Variants in DSCAM observed in about 807,000 individuals in gnomAD.
DSCAM encodes cell adhesion molecule DSCAM.
A neutral mutation model predicts 217.7 loss-of-function variants in DSCAM; 47 were observed. The observed-to-expected ratio is 0.22, with a 90% CI of 0.17 to 0.28. The LOEUF is 0.28. Among genes scored for constraint, DSCAM ranks in the 10% least tolerant of loss-of-function variants. The pLI is 1.00. For synonymous variants in DSCAM, 1,056 were observed against 1,015.3 expected (o/e 1.04, Z -0.76); for missense variants, 2,080 against 2,618.3 (o/e 0.79, Z 4.49).
At chr21:40,340,348 A>G (rs1266659495) in intron 6 of DSCAM, among the ~76,000 whole-genome samples, 1 of 152,196 alleles carries the variant, frequency 6.6e-6, no homozygotes, top group Non-Finnish European at 1.5e-5. Flanking sequence ...TTATTTTTCT[A>G]TCATCCATAT....
chr21:40,080,323 A>C lies in DSCAM; in HGVS notation c.4249T>G (p.Ser1417Ala). The part of the protein sequence containing the change: ...SSIRGYILQY[S>A]EDNSEQWGSF... ...CCCCACTGCTCACTATTGTCCTCGG[A>C]GTACTGCAGTATGTATCCTGCAGAG... Residue 1417 changes from serine to alanine, a missense_variant, in exon 25 of 33, where the codon TCC (serine) becomes GCC (alanine). Physicochemically the swap from Ser to Ala is moderately conservative, Grantham distance 99. Coordinates refer to ENST00000400454, the MANE Select transcript of DSCAM (RefSeq NM_001389.5). 1.9e-6 allele frequency: 3 copies of C among 1,611,274 alleles called. No homozygotes were observed. Among genetic ancestry groups the C allele is most frequent in the South Asian group, 1.1e-5 (1 of 90,850 alleles).
intron 2 of DSCAM, among the ~76,000 whole-genome samples, chr21:40,695,405 C>T (rs1390808274): frequency 1.3e-5 from 2 of 152,144 alleles, no homozygotes; most frequent in African/African-American, 4.8e-5. Context: ...GGAGTTTTCT[C>T]CTCTCTAGCT....
chr21:40,179,184 CA>C (rs11286508), intron 14 of DSCAM, 90 bp from the exon 15 acceptor site: 10,141 of 102,196 alleles, frequency 0.099, 28 homozygotes, highest in South Asian at 0.15. Flanking sequence ...AATTAAAAAC[CA>C]AAAAAAAAAA....
intron 32 of DSCAM, among the ~76,000 whole-genome samples, chr21:40,022,593 C>T (rs2088293592): frequency 6.6e-6 from 1 of 152,162 alleles, no homozygotes; most frequent in Admixed American, 6.5e-5. Flanking sequence ...GCAAAACCCC[C>T]AGGTCTTTCT....
intron 5 of DSCAM, among the ~76,000 whole-genome samples, chr21:40,352,049 A>G (rs1244359548): frequency 1.3e-5 from 2 of 152,178 alleles, no homozygotes; most frequent in Non-Finnish European, 2.9e-5. Flanking sequence ...CTGAGGTTGC[A>G]ATTTTTTTTG....
At chr21:40,590,208 G>T (rs455772) in intron 3 of DSCAM, among the ~76,000 whole-genome samples, 1 of 152,128 alleles carries the variant, frequency 6.6e-6, no homozygotes, top group African/African-American at 2.4e-5. Flanking sequence ...CCAGGTCTGC[G>T]ACTTACATGG....
At chr21:40,047,643 A>T (rs1390019276) in intron 30 of DSCAM, among the ~76,000 whole-genome samples, 2 of 152,368 alleles carry the variant, frequency 1.3e-5, no homozygotes, top group Admixed American at 6.5e-5. Flanking sequence ...ATCTGCTTTC[A>T]TCTGTGCCAT....
At chr21:40,349,886 T>C (rs996664022) in intron 5 of DSCAM, among the ~76,000 whole-genome samples, 1 of 152,032 alleles carries the variant, frequency 6.6e-6, no homozygotes, top group Non-Finnish European at 1.5e-5. Flanking sequence ...AAATGGCAAA[T>C]GACATACAGA....
In DSCAM at chr21:40,044,412, T is replaced by C. The variant is rs923137202; in HGVS notation, c.5186-137A>G. 1.3e-5 allele frequency: 10 copies of C among 772,676 alleles called. No individual in the cohort carries two copies. In the African/African-American group the frequency reaches 1.6e-4, roughly 12 times the overall value. 47.9% of individuals were successfully genotyped at this position (772,676 alleles called of 1,614,324 possible). On this transcript the variant is annotated intron_variant, in intron 30 of 32. Transcript: ENST00000400454. ...CCAGGAAAACTTCCTTGACTTCTCCTGTGCAGAGGATACTTTCCCTTTCCT... is the reference window on the plus strand; with the variant it reads ...CCAGGAAAACTTCCTTGACTTCTCCCGTGCAGAGGATACTTTCCCTTTCCT...
At chr21:40,337,406 C>T (rs1037110857) in intron 8 of DSCAM, among the ~76,000 whole-genome samples, 3 of 152,202 alleles carry the variant, frequency 2.0e-5, no homozygotes, top group African/African-American at 7.2e-5. Context: ...GCTCAGGAAA[C>T]TGACTTGTAG....
intron 3 of DSCAM, among the ~76,000 whole-genome samples, chr21:40,453,582 G>A (rs528580221): frequency 6.6e-6 from 1 of 152,266 alleles, no homozygotes; most frequent in African/African-American, 2.4e-5. Context: ...AACACCTTAG[G>A]ATGACAATTC....
At chr21:40,164,641 A>G (rs1216555596) in intron 16 of DSCAM, among the ~76,000 whole-genome samples, 1 of 152,054 alleles carries the variant, frequency 6.6e-6, no homozygotes, top group Non-Finnish European at 1.5e-5. Flanking sequence ...CTCTATTAAA[A>G]ATACAAAAAA....
chr21:40,022,984 C>A (rs1361383223), intron 32 of DSCAM, among the ~76,000 whole-genome samples: 2 of 151,904 alleles, frequency 1.3e-5, no homozygotes, highest in Non-Finnish European at 2.9e-5. Flanking sequence ...AACTAGTCAT[C>A]TAGCATTAGG....
At chr21:40,516,528 G>A (rs1405291827) in intron 3 of DSCAM, among the ~76,000 whole-genome samples, 1 of 152,166 alleles carries the variant, frequency 6.6e-6, no homozygotes, top group African/African-American at 2.4e-5. Flanking sequence ...ACGGTGGCAT[G>A]CCCAGTTATT....
Position 40,293,417 on chromosome 21 carries a change from A to G in DSCAM, c.2182+2638T>C, listed in dbSNP as rs1034357282. Among the ~76,000 whole-genome samples, 9 of 152,286 alleles carry G rather than the reference A, an allele frequency of 5.9e-5. No individual in the cohort carries two copies. The East Asian group carries it at 1.7e-3, about 29-fold the overall frequency. On this transcript the variant is annotated intron_variant, in intron 10 of 32. Coordinates refer to ENST00000400454, the MANE Select transcript of DSCAM (RefSeq NM_001389.5). Reference sequence around the variant, plus strand: ...GGAGAGGCAGAACTCTTCCTAACACATAAGGAGTTTGGGTGCCTGATGACT... The same window carrying G: ...GGAGAGGCAGAACTCTTCCTAACACGTAAGGAGTTTGGGTGCCTGATGACT...
chr21:40,525,753 T>C (rs989435174), intron 3 of DSCAM, among the ~76,000 whole-genome samples: 2 of 152,230 alleles, frequency 1.3e-5, no homozygotes, highest in Non-Finnish European at 2.9e-5. Context: ...CTCCCAGCTA[T>C]ATGGTCTCAG....
chr21:40,723,225 T>A (rs954758332), intron 1 of DSCAM, among the ~76,000 whole-genome samples: 2 of 152,078 alleles, frequency 1.3e-5, no homozygotes, highest in African/African-American at 4.8e-5. Flanking sequence ...CTCACAGCTG[T>A]CATACACTAG....
In DSCAM at chr21:40,601,325, G is replaced by A. The variant is rs547974980; in HGVS notation, c.508+91485C>T. 3.9e-5 allele frequency among the ~76,000 whole-genome samples: 6 copies of A among 152,184 alleles called. 1 individual carries two copies. Among genetic ancestry groups the A allele is most frequent in the Middle Eastern group, 6.8e-3 (2 of 294 alleles). ...TTCAAATTCCAATTGTTTATTGCTG[G>A]TACATTGGAAAGCAATTGACTTTCA... On this transcript the variant is annotated intron_variant, in intron 3 of 32. Transcript: ENST00000400454.
chr21:40,077,472 G>T (rs2089382814), intron 26 of DSCAM, among the ~76,000 whole-genome samples: 1 of 152,194 alleles, frequency 6.6e-6, no homozygotes, highest in Admixed American at 6.5e-5. Context: ...ATTTCTGTGG[G>T]TCCTTAGGTT....
Sources: allele counts gnomAD v4.1 joint callset (sites outside exome capture counted in the v4.1 genomes callset), GRCh38; gene constraint gnomAD v4.1.1; transcripts MANE v1.5; gene names NCBI Gene and HGNC (gene_info 2026-07-23, HGNC 2026-07-21).